Variants in CLEC16A observed in about 807,000 individuals in gnomAD.
The protein encoded by CLEC16A is protein CLEC16A.
A neutral mutation model predicts 109.5 loss-of-function variants in CLEC16A; 51 were observed. The ratio of observed to expected loss-of-function variants is 0.47; its 90% confidence interval spans 0.37 to 0.59. The LOEUF (loss-of-function observed/expected upper bound fraction) is 0.59. Ranked by LOEUF, CLEC16A falls within the 20% of genes least tolerant of loss-of-function variation. CLEC16A has a pLI of 0.00. For synonymous variants in CLEC16A, 673 were observed against 564.2 expected (o/e 1.19, Z -2.73); for missense variants, 1,339 against 1,394.0 (o/e 0.96, Z 0.63).
intron 10 of CLEC16A, among the ~76,000 whole-genome samples, chr16:10,995,202 T>A (rs562544230): frequency 9.8e-5 from 15 of 152,362 alleles, no homozygotes; most frequent in African/African-American, 2.9e-4. Context: ...TCTTGGCACC[T>A]CTCAGCAGCA....
chr16:11,060,640 C>T (rs1019096456), intron 18 of CLEC16A, among the ~76,000 whole-genome samples: 1 of 152,110 alleles, frequency 6.6e-6, no homozygotes, highest in Non-Finnish European at 1.5e-5. Flanking sequence ...AAGGTCCTGG[C>T]AGATGACGGG....
intron 1 of CLEC16A, among the ~76,000 whole-genome samples, chr16:10,950,115 T>G (rs1159793497): frequency 6.6e-6 from 1 of 152,204 alleles, no homozygotes; most frequent in Non-Finnish European, 1.5e-5. Flanking sequence ...TTAGCTCCTG[T>G]GCGTTCTTAA....
intron 19 of CLEC16A, among the ~76,000 whole-genome samples, chr16:11,109,813 C>G (rs572189730): frequency 6.6e-6 from 1 of 152,214 alleles, no homozygotes; most frequent in African/African-American, 2.4e-5. Flanking sequence ...CTCTGATTAA[C>G]CACACGTGCT....
chr16:10,951,398 T>A (rs1325748046), intron 1 of CLEC16A, among the ~76,000 whole-genome samples: 1 of 152,262 alleles, frequency 6.6e-6, no homozygotes, highest in Admixed American at 6.5e-5. Flanking sequence ...TTTTTTAATT[T>A]ATTTTTTGTG....
Position 11,070,348 on chromosome 16 carries a change from G to T in CLEC16A, c.2116+9326G>T, listed in dbSNP as rs970954117. Among the ~76,000 whole-genome samples, 68 of 151,780 alleles carry T rather than the reference G, an allele frequency of 4.5e-4. 1 individual carries two copies. Among genetic ancestry groups the T allele is most frequent in the East Asian group, 1.4e-3 (7 of 5,164 alleles). ...GCCTCCCAAAGTGTTGAGATTACAG[G>T]CGTGAGCCACTGCACCCGGCCTTTT... On this transcript the variant is annotated intron_variant, in intron 19 of 23. Transcript: ENST00000409790.
rs943519173 is a variant in CLEC16A, at chr16:11,094,503, A to G, written c.2117-26112A>G. ...GAGGAGGGGCAGCTGAGAGCCACACAAGGCCTTGCCTCTGAAGTTTGAAGC... is the reference window on the plus strand; with the variant it reads ...GAGGAGGGGCAGCTGAGAGCCACACGAGGCCTTGCCTCTGAAGTTTGAAGC... On this transcript the variant is annotated intron_variant, in intron 19 of 23. Transcript: ENST00000409790. Among the ~76,000 whole-genome samples, 7 of 152,184 alleles carry G rather than the reference A, an allele frequency of 4.6e-5. 1 individual carries two copies. In the East Asian group the frequency reaches 1.3e-3, roughly 29 times the overall value.
chr16:11,172,430 G>A (rs1300085369), intron 23 of CLEC16A, among the ~76,000 whole-genome samples: 2 of 152,200 alleles, frequency 1.3e-5, no homozygotes, highest in South Asian at 2.1e-4. Context: ...TCACACCTCT[G>A]AGCTCCAGAT....
chr16:11,071,488 T>A (rs1188109543), intron 19 of CLEC16A, among the ~76,000 whole-genome samples: 1 of 152,076 alleles, frequency 6.6e-6, no homozygotes, highest in East Asian at 1.9e-4. Flanking sequence ...TCAGCCTGGA[T>A]TGATCTTAGA....
At chr16:10,997,024 C>T (rs776303456) in intron 10 of CLEC16A, among the ~76,000 whole-genome samples, 7 of 152,194 alleles carry the variant, frequency 4.6e-5, no homozygotes, top group Non-Finnish European at 8.8e-5. Flanking sequence ...TGCAGTGGCA[C>T]GACCACAGCT....
chr16:11,108,005 C>G (rs182756376), intron 19 of CLEC16A, among the ~76,000 whole-genome samples: 1 of 152,364 alleles, frequency 6.6e-6, no homozygotes, highest in African/African-American at 2.4e-5. Context: ...CAGCTGCATT[C>G]TGTCATCAGG....
chr16:11,094,695 G>A (rs1488986033), intron 19 of CLEC16A, among the ~76,000 whole-genome samples: 2 of 152,182 alleles, frequency 1.3e-5, no homozygotes, highest in African/African-American at 2.4e-5. Flanking sequence ...CCCACTGCCC[G>A]AATATGCCTT....
Position 11,133,543 on chromosome 16 carries a change from C to G in CLEC16A, c.2641+7397C>G, listed in dbSNP as rs1452970949. On this transcript the variant is annotated intron_variant, in intron 22 of 23. Coordinates refer to ENST00000409790, the MANE Select transcript of CLEC16A (RefSeq NM_015226.3). ...TAACTTAGGAAGAATGCAGAAATGA[C>G]AGTGTGCTATGAGCCAGCTGAGCTG... Among the ~76,000 whole-genome samples, 7 of 152,096 alleles carry G rather than the reference C, an allele frequency of 4.6e-5. No homozygotes were observed. In the East Asian group the frequency reaches 1.3e-3, roughly 29 times the overall value.
chr16:11,141,897 G>A (rs1326564517), intron 22 of CLEC16A, among the ~76,000 whole-genome samples: 9 of 152,218 alleles, frequency 5.9e-5, no homozygotes, highest in Non-Finnish European at 2.9e-5. Context: ...AGGTGGGAGA[G>A]GCTTGAGAGG....
intron 20 of CLEC16A, among the ~76,000 whole-genome samples, chr16:11,122,501 A>G (rs774327175): frequency 6.6e-6 from 1 of 152,116 alleles, no homozygotes; most frequent in African/African-American, 2.4e-5. Context: ...CCGTCTTCCA[A>G]TGGGTGCTAT....
chr16:11,007,834 G>A (rs1057249343), intron 11 of CLEC16A, among the ~76,000 whole-genome samples: 5 of 152,000 alleles, frequency 3.3e-5, no homozygotes, highest in African/African-American at 1.2e-4. Context: ...GTAATGGTGG[G>A]AAGAGAGGGA....
intron 10 of CLEC16A, among the ~76,000 whole-genome samples, chr16:11,001,839 T>C (rs2044688241): frequency 6.6e-6 from 1 of 152,178 alleles, no homozygotes; most frequent in Non-Finnish European, 1.5e-5. Context: ...AACTTTGTCC[T>C]CTGGGGCGAG....
At chr16:11,090,714 G>C (rs566626975) in intron 19 of CLEC16A, among the ~76,000 whole-genome samples, 2 of 151,690 alleles carry the variant, frequency 1.3e-5, no homozygotes, top group Non-Finnish European at 2.9e-5. Context: ...GTGTGATCTT[G>C]GCTCACTGCA....
intron 15 of CLEC16A, among the ~76,000 whole-genome samples, chr16:11,042,656 C>T (rs1438046121): frequency 2.0e-5 from 3 of 152,152 alleles, no homozygotes; most frequent in Admixed American, 6.5e-5. Flanking sequence ...TTTGGTATTA[C>T]AAAAGTTTTT....
rs1398334345 is a variant in CLEC16A, at chr16:11,061,034, G to T, written c.2116+12G>T. 4 of 1,597,814 alleles carry T rather than the reference G, an allele frequency of 2.5e-6. No individual in the cohort carries two copies. The Admixed American group carries it at 6.8e-5, about 27-fold the overall frequency. ...TGTCCTGGATCTGAGTGAGTTGGCTGCTCTGAGTCACAGCAGGGGGCTGGG... is the reference window on the plus strand; with the variant it reads ...TGTCCTGGATCTGAGTGAGTTGGCTTCTCTGAGTCACAGCAGGGGGCTGGG... On this transcript the variant is annotated intron_variant, in intron 19 of 23. Transcript: ENST00000409790.
Sources: allele counts gnomAD v4.1 joint callset (sites outside exome capture counted in the v4.1 genomes callset), GRCh38; gene constraint gnomAD v4.1.1; transcripts MANE v1.5; gene names NCBI Gene and HGNC (gene_info 2026-07-23, HGNC 2026-07-21).